The following CHN2 variants were observed in gnomAD, a reference collection of about 807,000 sequenced individuals.
CHN2 encodes the protein chimerin 2.
Under a neutral mutation model 56.3 loss-of-function variants are expected in CHN2, and 35 were observed. The ratio of observed to expected loss-of-function variants is 0.62; its 90% confidence interval spans 0.47 to 0.82. The LOEUF (loss-of-function observed/expected upper bound fraction) is 0.82, where lower values mean the gene tolerates loss of function less well. CHN2 is among the 40% of genes least tolerant of loss of function. The pLI, the probability that CHN2 is intolerant of heterozygous loss-of-function variation, is 0.00. For synonymous variants in CHN2, 210 were observed against 212.8 expected (o/e 0.99, Z 0.12); for missense variants, 491 against 580.5 (o/e 0.85, Z 1.58).
chr7:29,317,647 A>G (rs1479389028), intron 1 of CHN2, among the ~76,000 whole-genome samples: 5 of 152,224 alleles, frequency 3.3e-5, no homozygotes, highest in African/African-American at 7.2e-5. Flanking sequence ...CGTATGCCAG[A>G]CATTAAACTA....
chr7:29,359,716 A>G (rs1798581062), intron 2 of CHN2, among the ~76,000 whole-genome samples: 2 of 152,228 alleles, frequency 1.3e-5, no homozygotes, highest in South Asian at 4.1e-4. Context: ...ATGCTCTAAA[A>G]GAAGAGCTAC....
chr7:29,450,198 C>T (rs2128130105), intron 6 of CHN2, among the ~76,000 whole-genome samples: 1 of 152,240 alleles, frequency 6.6e-6, no homozygotes, highest in East Asian at 1.9e-4. Context: ...AGACGAAGCT[C>T]AAATTAACAC....
In CHN2 at chr7:29,512,602, A is replaced by AAAATCTGGGGATCGTGT; in HGVS notation, c.1275_1291dup (p.Phe431Ter). 1 of 1,613,560 alleles carries AAAATCTGGGGATCGTGT rather than the reference A, an allele frequency of 6.2e-7. No individual in the cohort carries two copies. Among genetic ancestry groups the AAAATCTGGGGATCGTGT allele is most frequent in the Non-Finnish European group, 8.5e-7 (1 of 1,179,832 alleles). ...GAAAAAGACAATTTCATGAATGCAGAAAATCTGGGGATCGTGTTTGGGCCC... is the reference window on the plus strand; with the variant it reads ...GAAAAAGACAATTTCATGAATGCAGAAAATCTGGGGATCGTGTAAATCTGGGGATCGTGTTTGGGCCC... On this transcript the variant is annotated frameshift_variant, in exon 13 of 13. Coordinates refer to ENST00000222792, the MANE Select transcript of CHN2 (RefSeq NM_004067.4). LOFTEE classifies it high-confidence loss of function.
chr7:29,172,724 A>C (rs1177172815), intron 2 of CHN2, among the ~76,000 whole-genome samples: 1 of 152,230 alleles, frequency 6.6e-6, no homozygotes, highest in Non-Finnish European at 1.5e-5. Context: ...TTCAAGAATC[A>C]TTAATGTTAA....
At chr7:29,436,801 A>T (rs1043585031) in intron 6 of CHN2, among the ~76,000 whole-genome samples, 2 of 152,188 alleles carry the variant, frequency 1.3e-5, no homozygotes, top group African/African-American at 2.4e-5. Context: ...TCCAGTGTAC[A>T]TTCAGTGAAA....
intron 1 of CHN2, among the ~76,000 whole-genome samples, chr7:29,313,451 A>G (rs898044419): frequency 1.3e-5 from 2 of 152,132 alleles, no homozygotes; most frequent in African/African-American, 4.8e-5. Flanking sequence ...TTGAGTTCCC[A>G]GAGGTGTCAG....
intron 3 of CHN2, among the ~76,000 whole-genome samples, chr7:29,387,721 A>G (rs1394553678): frequency 2.0e-5 from 3 of 152,226 alleles, no homozygotes; most frequent in Admixed American, 2.0e-4. Context: ...AGCACATTAT[A>G]TCTGTAATTT....
intron 1 of CHN2, among the ~76,000 whole-genome samples, chr7:29,283,339 C>T (rs1314704145): frequency 6.6e-6 from 1 of 152,118 alleles, no homozygotes; most frequent in African/African-American, 2.4e-5. Flanking sequence ...AGCGGAAAAG[C>T]TAGGTTTGAT....
Position 29,213,237 on chromosome 7 carries a change from C to T in CHN2, c.49+18247C>T, listed in dbSNP as rs372701830. On this transcript the variant is annotated intron_variant, in intron 1 of 12. Transcript: ENST00000222792. Reference sequence around the variant, plus strand: ...GTGAAGATGAGTGAAATTGATATTACTCAGTTTCACTCTGGGTAGTGGCTG... The same window carrying T: ...GTGAAGATGAGTGAAATTGATATTATTCAGTTTCACTCTGGGTAGTGGCTG... 8 of 1,033,728 alleles carry T rather than the reference C, an allele frequency of 7.7e-6. No homozygotes were observed. The South Asian group carries it at 8.8e-5, about 11-fold the overall frequency. 64.0% of individuals were successfully genotyped at this position (1,033,728 alleles called of 1,614,324 possible).
intron 1 of CHN2, among the ~76,000 whole-genome samples, chr7:29,246,157 G>A (rs1788059011): frequency 6.6e-6 from 1 of 152,096 alleles, no homozygotes; most frequent in African/African-American, 2.4e-5. Flanking sequence ...ACTTTCCCCT[G>A]CTTTCTAAAA....
chr7:29,361,945 T>A (rs546850817), intron 2 of CHN2, among the ~76,000 whole-genome samples: 1 of 152,358 alleles, frequency 6.6e-6, no homozygotes, highest in African/African-American at 2.4e-5. Flanking sequence ...TGTTCTCTCT[T>A]GCTTCCTTGT....
At chr7:29,384,108 G>A (rs1391119831) in intron 3 of CHN2, among the ~76,000 whole-genome samples, 2 of 152,170 alleles carry the variant, frequency 1.3e-5, no homozygotes, top group Non-Finnish European at 2.9e-5. Flanking sequence ...TCACAGGGGT[G>A]AAGAGCAAAG....
upstream of CHN2, chr7:29,192,357 TC>T (rs764046591): frequency 1.8e-4 from 27 of 152,190 alleles, no homozygotes; most frequent in Non-Finnish European, 3.4e-4. Flanking sequence ...CTTTACTTTC[TC>T]CAGTTAAAAC....
chr7:29,289,372 G>A (rs140880771), intron 1 of CHN2, among the ~76,000 whole-genome samples: 12 of 152,206 alleles, frequency 7.9e-5, no homozygotes, highest in East Asian at 1.9e-4. Flanking sequence ...GCATGGCCCC[G>A]TCACGTGCTT....
chr7:29,401,024 T>C lies in CHN2; in HGVS notation c.576+196T>C, dbSNP rs373823712. ...CGTGGTGGCTCATGCCTGTAATCTC[T>C]TTGGGAGGCCGAGGCAGGTGGATCA... On this transcript the variant is annotated intron_variant, in intron 6 of 12. Coordinates refer to ENST00000222792, the MANE Select transcript of CHN2 (RefSeq NM_004067.4). 3.1e-3 allele frequency: 1,853 copies of C among 590,498 alleles called. 21 individuals are homozygous for C. Among genetic ancestry groups the C allele is most frequent in the African/African-American group, 0.029 (1,577 of 53,776 alleles). The allele number at this position is 590,498 out of a possible 1,614,324, so 36.6% of individuals were successfully genotyped here.
chr7:29,150,743 G>C (rs1005122699), intron 2 of CHN2, among the ~76,000 whole-genome samples: 4 of 152,158 alleles, frequency 2.6e-5, no homozygotes, highest in African/African-American at 9.7e-5. Context: ...ACTTGTCAAG[G>C]CTTCTATAGC....
At chr7:29,211,450 GCACACACACACA>G (rs148200755) in intron 1 of CHN2, among the ~76,000 whole-genome samples, 167 of 138,440 alleles carry the variant, frequency 1.2e-3, no homozygotes, top group Non-Finnish European at 1.5e-3. Flanking sequence ...CTGCATGTTG[GCACACACACACA>G]CACACACACA....
chr7:29,219,760 TAA>T (rs1260635444), intron 1 of CHN2, among the ~76,000 whole-genome samples: 2 of 152,100 alleles, frequency 1.3e-5, no homozygotes, highest in East Asian at 3.9e-4. Context: ...TCATGAGAGA[TAA>T]AGAGGGATAT....
rs930000090 is a variant in CHN2, at chr7:29,400,820, G to C, written c.568G>C (p.Val190Leu). Residue 190 changes from valine to leucine, a missense_variant, in exon 6 of 13, where the codon GTG (valine) becomes CTG (leucine). Coordinates refer to ENST00000222792, the MANE Select transcript of CHN2 (RefSeq NM_004067.4). Reference sequence around the variant, plus strand: ...CGTCACACATGAAGAACACACAGCGGTGGAAAAGGTGAGCTGTGTGTGATG... The same window carrying C: ...CGTCACACATGAAGAACACACAGCGCTGGAAAAGGTGAGCTGTGTGTGATG... ...TNVTHEEHTA[V>L]EKISSLVRRA... The C allele has an allele frequency of 2.5e-6, 4 of 1,613,170 alleles. No homozygotes were observed. Among genetic ancestry groups the C allele is most frequent in the African/African-American group, 1.3e-5 (1 of 74,802 alleles).
Sources: allele counts gnomAD v4.1 joint callset (sites outside exome capture counted in the v4.1 genomes callset), GRCh38; gene constraint gnomAD v4.1.1; transcripts MANE v1.5; gene names NCBI Gene and HGNC (gene_info 2026-07-23, HGNC 2026-07-21).